Variants in ANK2 observed in about 807,000 individuals in gnomAD.
The protein encoded by ANK2 is ankyrin-2.
Under a neutral mutation model 360.5 loss-of-function variants are expected in ANK2, and 83 were observed. The ratio of observed to expected loss-of-function variants is 0.23; its 90% CI spans 0.19 to 0.28. The LOEUF is 0.28. Among genes scored for constraint, ANK2 ranks in the 10% least tolerant of loss-of-function variants. The pLI is 1.00. For synonymous variants in ANK2, 1,740 were observed against 1,759.5 expected (o/e 0.99, Z 0.28); for missense variants, 4,201 against 4,795.7 (o/e 0.88, Z 3.66).
intron 2 of ANK2, among the ~76,000 whole-genome samples, chr4:112,979,093 G>A (rs1209077685): frequency 6.6e-6 from 1 of 152,226 alleles, no homozygotes; most frequent in Admixed American, 6.5e-5. Context: ...TTTTGCTCAG[G>A]CCTGCTGGGC....
intron 2 of ANK2, among the ~76,000 whole-genome samples, chr4:112,907,321 G>A (rs1410121822): frequency 6.6e-6 from 1 of 152,162 alleles, no homozygotes; most frequent in Non-Finnish European, 1.5e-5. Flanking sequence ...GTTTACTTGA[G>A]GGCATAGAGC....
At chr4:113,116,133 C>A (rs2094745662) in intron 1 of ANK2, among the ~76,000 whole-genome samples, 1 of 152,168 alleles carries the variant, frequency 6.6e-6, no homozygotes, top group Non-Finnish European at 1.5e-5. Context: ...TTCATTGAGC[C>A]TCCCTATTGG....
intron 45 of ANK2, chr4:113,374,708 A>G (rs1166745055): frequency 1.0e-6 from 1 of 985,890 alleles, no homozygotes; most frequent in Non-Finnish European, 1.2e-6. Flanking sequence ...GAAAAAATTC[A>G]TCATAGTTAC....
chr4:112,878,893 G>C (rs925627429), intron 1 of ANK2, among the ~76,000 whole-genome samples: 5 of 152,274 alleles, frequency 3.3e-5, no homozygotes, highest in Admixed American at 2.6e-4. Context: ...AAAATGCTGG[G>C]ATTACAAGCG....
rs141175274 is a variant in ANK2 at position 112,823,042 on chromosome 4, G to A, written c.-40+4778G>A. ...ATTTTGGTAAGGGTAAGACTCCCGC[G>A]TTATTTGCTTAAAATAACGCACATG... is the stretch of plus-strand genomic sequence containing the variant. On this transcript the variant is annotated intron_variant, in intron 1 of 30. Transcript: ENST00000503271. Among the ~76,000 whole-genome samples the A allele has an allele frequency of 2.1e-3, 327 of 152,230 alleles. 1 individual carries two copies. Among genetic ancestry groups the A allele is most frequent in the African/African-American group, 7.2e-3 (299 of 41,536 alleles).
At position 113,357,823 on chromosome 4, in the gene ANK2, T is replaced by G. The variant is rs1232343758; in HGVS notation, c.9205T>G (p.Leu3069Val). Residue 3069 changes from leucine to valine, a missense_variant, in exon 38 of 46, where the codon TTG (leucine) becomes GTG (valine). Physicochemically the swap from Leu to Val is conservative, Grantham distance 32. Coordinates refer to ENST00000357077, the MANE Select transcript of ANK2 (RefSeq NM_001148.6). ...AGAGGAAGAACAAAAGATATTTGGT[T>G]TGATGGTAGACAGACAATCACAGGG... ...VKEEEQKIFG[L>V]MVDRQSQGTT... is the part of the protein sequence containing the mutation. The G allele has an allele frequency of 1.4e-5, 22 of 1,613,714 alleles. No individual in the cohort carries two copies. The highest frequency in any genetic ancestry group is 1.9e-5 in the Non-Finnish European group (22 of 1,179,862).
the ANK2 span, among the ~76,000 whole-genome samples, chr4:112,756,297 G>A: frequency 6.8e-6 from 1 of 147,362 alleles, no homozygotes; most frequent in Admixed American, 6.6e-5. Flanking sequence ...CTCTCAGGTT[G>A]AGCATTATAG....
At position 113,335,982 on chromosome 4, in the gene ANK2, C is replaced by T. The variant is rs1357760067; in HGVS notation, c.3516C>T (p.Ser1172=). 3 of 1,614,008 alleles carry T rather than the reference C, an allele frequency of 1.9e-6. No homozygotes were observed. Among genetic ancestry groups the T allele is most frequent in the Non-Finnish European group, 2.5e-6 (3 of 1,180,038 alleles). ...TTGGCCCAGAAGGAGGTGTACTGAG[C>T]AGCACAGTGGTGCCCCAGGTGCAGG... ...NLIGPEGGVL[S]STVVPQVQAV... Residue 1172 remains serine, a synonymous_variant, in exon 30 of 46, where the codon AGC becomes AGT. Transcript: ENST00000357077.
the ANK2 span, among the ~76,000 whole-genome samples, chr4:112,782,164 A>G: frequency 6.6e-6 from 1 of 152,168 alleles, no homozygotes; most frequent in Non-Finnish European, 1.5e-5. Flanking sequence ...ATTTTAAGAT[A>G]TATATTGAAA....
intron 5 of ANK2, among the ~76,000 whole-genome samples, chr4:113,234,578 A>T (rs1231980113): frequency 6.6e-6 from 1 of 152,016 alleles, no homozygotes; most frequent in African/African-American, 2.4e-5. Flanking sequence ...TGTGTGGTTG[A>T]TTGCCATTTG....
intron 2 of ANK2, among the ~76,000 whole-genome samples, chr4:113,025,365 T>G (rs1268646643): frequency 6.6e-6 from 1 of 152,204 alleles, no homozygotes; most frequent in Non-Finnish European, 1.5e-5. Context: ...TTGGGGAATC[T>G]GCCTGGGTGT....
the ANK2 span, among the ~76,000 whole-genome samples, chr4:112,762,195 A>T: frequency 1.3e-5 from 2 of 152,214 alleles, no homozygotes; most frequent in African/African-American, 4.8e-5. Flanking sequence ...TATTTATTTG[A>T]ATTTCAATTG....
At position 112,868,202 on chromosome 4, in the gene ANK2, AT is replaced by A. The variant is rs575864442; in HGVS notation, c.-39-36250del. On this transcript the variant is annotated intron_variant, in intron 1 of 30. Coordinates refer to the ANK2 transcript ENST00000503271. ...GCTTGTCAGGTCATTTTTATGTATTATTTGGATAAATGTTTGTCTTAGTCTG... is the reference window on the plus strand; with the variant it reads ...GCTTGTCAGGTCATTTTTATGTATTATTGGATAAATGTTTGTCTTAGTCTG... Among the ~76,000 whole-genome samples, 37 of 152,262 alleles carry A rather than the reference AT, an allele frequency of 2.4e-4. No individual in the cohort carries two copies. The East Asian group carries it at 6.7e-3, about 28-fold the overall frequency.
At chr4:112,955,897 C>T (rs779284199) in intron 2 of ANK2, among the ~76,000 whole-genome samples, 1 of 152,118 alleles carries the variant, frequency 6.6e-6, no homozygotes, top group African/African-American at 2.4e-5. Flanking sequence ...TTATTTAATG[C>T]GTGCTTATCA....
At chr4:112,939,037 A>T (rs1027951472) in intron 2 of ANK2, among the ~76,000 whole-genome samples, 6 of 152,202 alleles carry the variant, frequency 3.9e-5, no homozygotes, top group Non-Finnish European at 8.8e-5. Context: ...ATATGAAAAC[A>T]AGTTTGTCAG....
chr4:113,377,408 A>G (rs2096987736), intron 45 of ANK2, among the ~76,000 whole-genome samples: 1 of 152,178 alleles, frequency 6.6e-6, no homozygotes, highest in Non-Finnish European at 1.5e-5. Context: ...ATTTTTAACC[A>G]AAATGTCATT....
intron 1 of ANK2, among the ~76,000 whole-genome samples, chr4:112,861,230 G>T (rs1482170219): frequency 2.0e-5 from 3 of 152,026 alleles, no homozygotes; most frequent in African/African-American, 7.3e-5. Flanking sequence ...TAATTAGCTG[G>T]GCTACACTCA....
chr4:112,981,638 T>G (rs942708297), intron 2 of ANK2, among the ~76,000 whole-genome samples: 1 of 152,178 alleles, frequency 6.6e-6, no homozygotes. Context: ...TTGACAAGAA[T>G]GTAGTGAATT....
intron 2 of ANK2, among the ~76,000 whole-genome samples, chr4:113,029,699 G>A (rs771001076): frequency 6.6e-6 from 1 of 151,940 alleles, no homozygotes; most frequent in South Asian, 2.1e-4. Context: ...GAGAGAGCCC[G>A]ACCTATTCGT....
Sources: gnomAD v4.1 joint callset for allele counts (sites outside exome capture counted in the v4.1 genomes callset) on GRCh38, gnomAD v4.1.1 for gene constraint, MANE v1.5 for transcripts, NCBI Gene and HGNC (gene_info 2026-07-23, HGNC 2026-07-21) for gene names.